ARSB: variants seen among roughly 807,000 people sequenced by gnomAD.
ARSB encodes arylsulfatase B, also known as N-acetylgalactosamine-4-sulfatase.
In ARSB, 41 loss-of-function variants were observed where a neutral mutation model predicts 50.9. The observed-to-expected ratio is 0.81, with a 90% CI of 0.63 to 1.04. The LOEUF is 1.04. Ranked by LOEUF, ARSB falls within the 50% of genes least tolerant of loss-of-function variation. The pLI, the probability that ARSB is intolerant of heterozygous loss-of-function variation, is 0.00. For synonymous variants in ARSB, 269 were observed against 284.8 expected, an observed-to-expected ratio of 0.94 and a Z score of 0.56; for missense variants, 672 against 693.3, an observed-to-expected ratio of 0.97 and a Z score of 0.35.
At chr5:78,863,743 A>T (rs544993564) in intron 5 of ARSB, among the ~76,000 whole-genome samples, 10 of 152,142 alleles carry the variant, frequency 6.6e-5, no homozygotes, top group African/African-American at 2.4e-4. Context: ...GTACCCTAGA[A>T]CTTAAAGTAT....
Position 78,825,269 on chromosome 5 carries a change from T to A in ARSB, c.1213+14087A>T, listed in dbSNP as rs562482561. Among the ~76,000 whole-genome samples, 5 of 152,368 alleles carry A rather than the reference T, an allele frequency of 3.3e-5. 1 individual carries two copies. The South Asian group carries it at 1.0e-3, about 32-fold the overall frequency. On this transcript the variant is annotated intron_variant, in intron 6 of 7. Coordinates refer to ENST00000264914, the MANE Select transcript of ARSB (RefSeq NM_000046.5). ...TATGAAAAATGTAGTTCTTAGCTTT[T>A]CTTACATGCTCTTCCAAGTGTCTGT...
chr5:78,904,241 T>G (rs759664147), intron 4 of ARSB, among the ~76,000 whole-genome samples: 1 of 152,248 alleles, frequency 6.6e-6, no homozygotes, highest in Non-Finnish European at 1.5e-5. Context: ...TATTTGCTAG[T>G]TGAAGGACAT....
Position 78,959,272 on chromosome 5 carries a change from C to G in ARSB, c.691-3770G>C, listed in dbSNP as rs113644622. The stretch of plus-strand genomic sequence containing the variant: ...CCACACCATTGTAAGTTTCCTGAGG[C>G]CTCCCCAGCCATGTGGAACTGAGTC... On this transcript the variant is annotated intron_variant, in intron 3 of 7. Coordinates refer to ENST00000264914, the MANE Select transcript of ARSB (RefSeq NM_000046.5). 7.3e-3 allele frequency among the ~76,000 whole-genome samples: 1,114 copies of G among 152,214 alleles called. 15 individuals are homozygous for G. Among genetic ancestry groups the G allele is most frequent in the African/African-American group, 0.026 (1,080 of 41,526 alleles).
intron 1 of ARSB, among the ~76,000 whole-genome samples, chr5:78,975,659 A>T (rs1449227500): frequency 6.6e-6 from 1 of 152,202 alleles, no homozygotes; most frequent in African/African-American, 2.4e-5. Flanking sequence ...AAGGCCTATC[A>T]CTTTCTTACT....
chr5:78,781,526 A>G (rs961491064), intron 7 of ARSB, among the ~76,000 whole-genome samples: 2 of 152,088 alleles, frequency 1.3e-5, no homozygotes, highest in Admixed American at 1.3e-4. Flanking sequence ...GCGGAGTCTT[A>G]GAATTGGGAA....
chr5:78,863,317 T>C (rs1561467565), intron 5 of ARSB, among the ~76,000 whole-genome samples: 2 of 152,182 alleles, frequency 1.3e-5, no homozygotes, highest in South Asian at 2.1e-4. Flanking sequence ...CGTATGTTTA[T>C]TGCAGCACTA....
At chr5:78,866,834 A>G (rs1746776131) in intron 5 of ARSB, among the ~76,000 whole-genome samples, 1 of 152,202 alleles carries the variant, frequency 6.6e-6, no homozygotes, top group Non-Finnish European at 1.5e-5. Flanking sequence ...CCGAATAGGG[A>G]CAGTTCCGGT....
At chr5:78,901,353 A>G (rs892383622) in intron 4 of ARSB, among the ~76,000 whole-genome samples, 81 of 152,192 alleles carry the variant, frequency 5.3e-4, no homozygotes, top group African/African-American at 1.9e-3. Flanking sequence ...ATAAAGTGAT[A>G]TTTATCCCAA....
At chr5:78,900,873 C>T (rs1325354253) in intron 4 of ARSB, among the ~76,000 whole-genome samples, 1 of 151,804 alleles carries the variant, frequency 6.6e-6, no homozygotes, top group Non-Finnish European at 1.5e-5. Flanking sequence ...CCCGTCTCTA[C>T]TAAAAATACA....
intron 4 of ARSB, among the ~76,000 whole-genome samples, chr5:78,909,232 C>T (rs1206376150): frequency 2.0e-5 from 3 of 152,182 alleles, no homozygotes; most frequent in African/African-American, 4.8e-5. Flanking sequence ...TATGCTCACA[C>T]ATTTTTTTTT....
intron 4 of ARSB, among the ~76,000 whole-genome samples, chr5:78,942,030 A>G (rs1750957221): frequency 6.6e-6 from 1 of 152,180 alleles, no homozygotes; most frequent in Admixed American, 6.5e-5. Context: ...TGTATCCAGT[A>G]ATTTATCCGT....
chr5:78,867,634 A>C (rs909722042), intron 5 of ARSB, among the ~76,000 whole-genome samples: 3 of 152,202 alleles, frequency 2.0e-5, no homozygotes, highest in Admixed American at 6.5e-5. Context: ...AAACTCACAA[A>C]CAGAAAGGAC....
chr5:78,958,241 G>A (rs1751822427), intron 3 of ARSB, among the ~76,000 whole-genome samples: 1 of 152,110 alleles, frequency 6.6e-6, no homozygotes, highest in South Asian at 2.1e-4. Context: ...GCAGGGGGCA[G>A]GGGATACAGT....
chr5:78,780,412 C>G lies in ARSB; in HGVS notation c.1587G>C (p.Trp529Cys). The G allele has an allele frequency of 7.4e-6, 12 of 1,614,114 alleles. No homozygotes were observed. Among genetic ancestry groups the G allele is most frequent in the Non-Finnish European group, 9.3e-6 (11 of 1,180,018 alleles). The part of the protein sequence containing the change: ...PRCDPKATGV[W>C]GPWM Reference sequence around the variant, plus strand: ...CCCTGAAATCCTACATCCAAGGGCCCCACACCCCAGTGGCCTTGGGATCAC... The same window carrying G: ...CCCTGAAATCCTACATCCAAGGGCCGCACACCCCAGTGGCCTTGGGATCAC... Residue 529 changes from tryptophan to cysteine, a missense_variant, in exon 8 of 8, where the codon TGG (tryptophan) becomes TGC (cysteine). Transcript: ENST00000264914.
At chr5:78,795,650 C>A (rs993022124) in intron 6 of ARSB, among the ~76,000 whole-genome samples, 1 of 152,160 alleles carries the variant, frequency 6.6e-6, no homozygotes, top group African/African-American at 2.4e-5. Context: ...GAAATTCTTA[C>A]AACACGAAAC....
rs75808233 is a variant in ARSB, at chr5:78,962,928, A to G, written c.690+1488T>C. Among the ~76,000 whole-genome samples the G allele has an allele frequency of 2.4e-4, 36 of 152,314 alleles. No individual in the cohort carries two copies. In the East Asian group the frequency reaches 6.8e-3, roughly 29 times the overall value. The stretch of plus-strand genomic sequence containing the variant: ...ACAGGCAGAAACTGGAAGGGGAACC[A>G]GCAGCCACATACCAAGTCCAAACAG... On this transcript the variant is annotated intron_variant, in intron 3 of 7. Coordinates refer to ENST00000264914, the MANE Select transcript of ARSB (RefSeq NM_000046.5).
At chr5:78,858,876 C>T (rs1338935729) in intron 5 of ARSB, among the ~76,000 whole-genome samples, 2 of 152,310 alleles carry the variant, frequency 1.3e-5, no homozygotes, top group Admixed American at 1.3e-4. Flanking sequence ...CACTCTCTCA[C>T]TAAATCCTCA....
chr5:78,850,763 C>G (rs1353748937), intron 5 of ARSB, among the ~76,000 whole-genome samples: 25 of 152,178 alleles, frequency 1.6e-4, no homozygotes, highest in Non-Finnish European at 1.5e-5. Flanking sequence ...TTCAGAGATT[C>G]AACTTCTTCC....
chr5:78,787,089 A>ACCAT (rs57311213), intron 6 of ARSB, among the ~76,000 whole-genome samples: 2 of 107,500 alleles, frequency 1.9e-5, no homozygotes, highest in South Asian at 7.4e-4. Flanking sequence ...AAAATCGATA[A>ACCAT]CCATCTATCT....
Sources: allele counts gnomAD v4.1 joint callset (sites outside exome capture counted in the v4.1 genomes callset), GRCh38; gene constraint gnomAD v4.1.1; transcripts MANE v1.5; gene names NCBI Gene and HGNC (gene_info 2026-07-23, HGNC 2026-07-21).